Variants in WARS2 observed in about 807,000 individuals in gnomAD.
The protein encoded by WARS2 is tryptophan--tRNA ligase, mitochondrial.
A neutral mutation model predicts 36.5 loss-of-function variants in WARS2; 28 were observed. That is an observed-to-expected ratio of 0.77 (90% CI 0.57 to 1.05). The LOEUF (loss-of-function observed/expected upper bound fraction) is 1.05, where lower values mean the gene tolerates loss of function less well. Ranked by LOEUF, WARS2 falls within the 50% of genes least tolerant of loss-of-function variation. The pLI is 0.00. For synonymous variants in WARS2, 174 were observed against 178.4 expected (o/e 0.98, Z 0.20); for missense variants, 435 against 456.8 (o/e 0.95, Z 0.44).
At chr1:119,097,576 T>A (rs754757479) in intron 1 of WARS2, among the ~76,000 whole-genome samples, 2 of 152,206 alleles carry the variant, frequency 1.3e-5, no homozygotes, top group Non-Finnish European at 2.9e-5. Flanking sequence ...TGGAGCACTC[T>A]CCAAATCCCC....
Position 119,032,913 on chromosome 1 carries a change from A to G in WARS2, c.1081T>C (p.Ter361GlnextTer38). 6.2e-7 allele frequency: 1 copy of G among 1,609,980 alleles called. No homozygotes were observed. Among genetic ancestry groups the G allele is most frequent in the African/African-American group, 1.3e-5 (1 of 74,894 alleles). ...TTGCTGTGATTCGTTGAAACTTCCT[A>G]TAGAAAACCCACCAATTTCTTCACC... ...QEVKKLVGFL[*>Q] Residue 361 changes from the stop codon to glutamine, a stop_lost, in exon 6 of 6, where the codon TAG (stop) becomes CAG (glutamine). Coordinates refer to ENST00000235521, the MANE Select transcript of WARS2 (RefSeq NM_015836.4).
chr1:119,091,847 G>A (rs1006517385), intron 1 of WARS2, among the ~76,000 whole-genome samples: 1 of 152,188 alleles, frequency 6.6e-6, no homozygotes. Context: ...GAGCAGAGAC[G>A]TAGAAGCCGC....
chr1:119,100,816 G>C (rs972093596), intron 1 of WARS2, among the ~76,000 whole-genome samples: 2 of 152,002 alleles, frequency 1.3e-5, no homozygotes, highest in Non-Finnish European at 2.9e-5. Context: ...TTTTGTATTT[G>C]TTGTAGAGAT....
At chr1:119,055,685 GAAAGAAAGA>G (rs1438476259) in intron 2 of WARS2, among the ~76,000 whole-genome samples, 4 of 146,072 alleles carry the variant, frequency 2.7e-5, no homozygotes, top group African/African-American at 1.0e-4. Flanking sequence ...AGAAAGGCAA[GAAAGAAAGA>G]AAAGAAAGAA....
rs190703970 is a variant in WARS2, at chr1:119,031,483, C to T, written c.*1428G>A. ...TTGTGGATTAACATGTGTTCTGACA[C>T]AAGGACTACTCTACTTCCTTAAGAA... is the stretch of plus-strand genomic sequence containing the variant. On this transcript the variant is annotated 3_prime_UTR_variant, in exon 6 of 6. Transcript: ENST00000235521. 1 of 152,308 alleles carries T rather than the reference C, an allele frequency of 6.6e-6. No homozygotes were observed. The highest frequency in any genetic ancestry group is 1.9e-4 in the East Asian group (1 of 5,178). The allele number at this position is 152,308 out of a possible 1,614,324, so 9.4% of individuals were successfully genotyped here.
chr1:119,059,372 T>C (rs1332831815), intron 2 of WARS2, among the ~76,000 whole-genome samples: 1 of 152,118 alleles, frequency 6.6e-6, no homozygotes, highest in African/African-American at 2.4e-5. Flanking sequence ...AGACATGAAG[T>C]CCTTGCCCAT....
chr1:119,107,969 T>C (rs1571369120), intron 1 of WARS2, among the ~76,000 whole-genome samples: 1 of 152,096 alleles, frequency 6.6e-6, no homozygotes, highest in Non-Finnish European at 1.5e-5. Context: ...GTTGATGTGA[T>C]GGATTGCATT....
At chr1:119,076,109 A>G (rs1021901121) in intron 2 of WARS2, among the ~76,000 whole-genome samples, 14 of 152,362 alleles carry the variant, frequency 9.2e-5, no homozygotes, top group African/African-American at 3.1e-4. Flanking sequence ...TTCTTGGTAT[A>G]TGAAGCATCA....
intron 1 of WARS2, among the ~76,000 whole-genome samples, chr1:119,098,022 G>A (rs367783053): frequency 1.3e-5 from 2 of 151,984 alleles, no homozygotes; most frequent in African/African-American, 4.8e-5. Flanking sequence ...AGGCTGAGGC[G>A]GGCATATCAC....
At chr1:119,138,476 G>C (rs1216549221) in intron 1 of WARS2, among the ~76,000 whole-genome samples, 1 of 152,090 alleles carries the variant, frequency 6.6e-6, no homozygotes, top group East Asian at 1.9e-4. Flanking sequence ...CTTCAATTTA[G>C]ACATGTGAAA....
chr1:119,130,541 T>C (rs1444284419), intron 1 of WARS2, among the ~76,000 whole-genome samples: 1 of 152,220 alleles, frequency 6.6e-6, no homozygotes, highest in African/African-American at 2.4e-5. Flanking sequence ...CAATCATTTA[T>C]AAACATGTGG....
intron 1 of WARS2, among the ~76,000 whole-genome samples, chr1:119,104,634 A>C (rs886919018): frequency 6.7e-6 from 1 of 149,936 alleles, no homozygotes; most frequent in Admixed American, 6.6e-5. Flanking sequence ...AAAAAAAAAA[A>C]CATGGTGAAA....
chr1:119,113,546 G>T (rs1169704742), intron 1 of WARS2, among the ~76,000 whole-genome samples: 1 of 152,116 alleles, frequency 6.6e-6, no homozygotes, highest in Admixed American at 6.6e-5. Flanking sequence ...AGGTTAAAAA[G>T]TAAAAGATAA....
At chr1:119,077,725 T>C (rs1033011502) in intron 1 of WARS2, among the ~76,000 whole-genome samples, 1 of 152,002 alleles carries the variant, frequency 6.6e-6, no homozygotes, top group Non-Finnish European at 1.5e-5. Flanking sequence ...TACTTTCTAA[T>C]ACTGAAGTCA....
rs1651529917 is a variant in WARS2, at chr1:119,074,050, TA to T, written c.348+2299del. Among the ~76,000 whole-genome samples the T allele has an allele frequency of 3.3e-5, 5 of 152,192 alleles. No homozygotes were observed. The South Asian group carries it at 1.0e-3, about 32-fold the overall frequency. ...TACTCGTGGCTGGGAATACAATTTT[TA>T]GAAATAGTATCAGCTAAGGATCAAA... On this transcript the variant is annotated intron_variant, in intron 2 of 5. Transcript: ENST00000235521.
intron 1 of WARS2, among the ~76,000 whole-genome samples, chr1:119,132,216 T>C (rs1000209360): frequency 6.6e-6 from 1 of 152,108 alleles, no homozygotes; most frequent in Non-Finnish European, 1.5e-5. Flanking sequence ...CTGATCCAAA[T>C]AGTCATGCAT....
intron 1 of WARS2, chr1:119,140,008 A>C (rs1456376733): frequency 6.6e-6 from 1 of 152,286 alleles, no homozygotes; most frequent in Non-Finnish European, 1.5e-5. Context: ...ACTCTTTCAC[A>C]GCCTGCTAGA....
At chr1:119,050,638 G>A (rs1649263168) in intron 2 of WARS2, among the ~76,000 whole-genome samples, 1 of 151,892 alleles carries the variant, frequency 6.6e-6, no homozygotes, top group Admixed American at 6.6e-5. Flanking sequence ...AAATAAGTGA[G>A]GTAGATTTAA....
intron 1 of WARS2, among the ~76,000 whole-genome samples, chr1:119,137,268 T>C (rs879327742): frequency 6.6e-6 from 1 of 152,194 alleles, no homozygotes; most frequent in Non-Finnish European, 1.5e-5. Flanking sequence ...TCTGTAAATC[T>C]AAAATTATTT....
Sources: gnomAD v4.1 joint callset for allele counts (sites outside exome capture counted in the v4.1 genomes callset) on GRCh38, gnomAD v4.1.1 for gene constraint, MANE v1.5 for transcripts, NCBI Gene and HGNC (gene_info 2026-07-23, HGNC 2026-07-21) for gene names.